The following METTL15 variants were observed in gnomAD, a reference collection of about 807,000 sequenced individuals.
METTL15 encodes the protein methyltransferase 15, mitochondrial 12S rRNA N4-cytidine.
In METTL15, 34 loss-of-function variants were observed where a neutral mutation model predicts 38.3. That is an observed-to-expected ratio of 0.89 (90% confidence interval 0.68 to 1.18). METTL15 has a LOEUF of 1.18. Among genes scored for constraint, METTL15 ranks in the 50% most tolerant of loss-of-function variants. METTL15 has a pLI of 0.00. For synonymous variants in METTL15, 162 were observed against 170.9 expected, an observed-to-expected ratio of 0.95 and a Z score of 0.41; for missense variants, 438 against 498.4, an observed-to-expected ratio of 0.88 and a Z score of 1.15.
intron 5 of METTL15, among the ~76,000 whole-genome samples, chr11:28,410,504 G>C (rs1392478416): frequency 6.6e-6 from 1 of 151,978 alleles, no homozygotes; most frequent in Non-Finnish European, 1.5e-5. Context: ...CACACCAACA[G>C]AATAAAAAGT....
intron 4 of METTL15, among the ~76,000 whole-genome samples, chr11:28,222,409 G>A (rs1378951176): frequency 6.6e-6 from 1 of 152,184 alleles, no homozygotes; most frequent in Admixed American, 6.5e-5. Context: ...GAAAAGCGCA[G>A]TATTAGGGTG....
intron 6 of METTL15, among the ~76,000 whole-genome samples, chr11:28,453,008 C>G (rs1291528146): frequency 6.6e-6 from 1 of 152,208 alleles, no homozygotes; most frequent in Non-Finnish European, 1.5e-5. Context: ...TCCTTAGAAG[C>G]CATTTTCCAT....
At chr11:28,136,765 G>C (rs1479337638) in intron 3 of METTL15, among the ~76,000 whole-genome samples, 2 of 151,810 alleles carry the variant, frequency 1.3e-5, no homozygotes, top group African/African-American at 4.8e-5. Context: ...AAAAGCTAGG[G>C]GTCAGGAAAG....
At chr11:28,423,601 T>C (rs1271236023) in intron 5 of METTL15, among the ~76,000 whole-genome samples, 1 of 152,046 alleles carries the variant, frequency 6.6e-6, no homozygotes, top group African/African-American at 2.4e-5. Flanking sequence ...AATCCAAGAA[T>C]AGAAAGACAA....
intron 3 of METTL15, among the ~76,000 whole-genome samples, chr11:28,149,692 C>T (rs1434561997): frequency 6.6e-6 from 1 of 151,846 alleles, no homozygotes; most frequent in African/African-American, 2.4e-5. Context: ...TATCTCATTG[C>T]ACTGTTTCTG....
chr11:28,108,910 A>T (rs1851599419), intron 1 of METTL15, among the ~76,000 whole-genome samples: 1 of 152,216 alleles, frequency 6.6e-6, no homozygotes, highest in African/African-American at 2.4e-5. Flanking sequence ...AACAAATCGG[A>T]AATACGTTTG....
chr11:28,501,827 C>T (rs890682887), intron 6 of METTL15, among the ~76,000 whole-genome samples: 6 of 152,092 alleles, frequency 3.9e-5, no homozygotes, highest in African/African-American at 1.2e-4. Context: ...CGGCCAGGCG[C>T]GGTGGCTCAC....
chr11:28,151,086 T>C (rs372780547), intron 3 of METTL15, among the ~76,000 whole-genome samples: 15 of 151,550 alleles, frequency 9.9e-5, no homozygotes, highest in African/African-American at 3.6e-4. Flanking sequence ...AAGGTTTTCA[T>C]TGGGACGAAT....
intron 6 of METTL15, among the ~76,000 whole-genome samples, chr11:28,306,136 C>T (rs1857075297): frequency 6.6e-6 from 1 of 151,916 alleles, no homozygotes; most frequent in African/African-American, 2.4e-5. Flanking sequence ...CTAGATCTTC[C>T]TGATTCTGGA....
intron 6 of METTL15, among the ~76,000 whole-genome samples, chr11:28,453,511 G>A (rs1186073665): frequency 6.6e-6 from 1 of 152,200 alleles, no homozygotes; most frequent in Non-Finnish European, 1.5e-5. Context: ...CATATTTGAT[G>A]ATAGCACTAA....
chr11:28,398,809 C>T (rs1850600679), intron 5 of METTL15: 1 of 151,554 alleles, frequency 6.6e-6, no homozygotes, highest in East Asian at 1.9e-4. Flanking sequence ...AGGACACAAA[C>T]AAATGGAAAA....
At chr11:28,310,453 G>A (rs1857236043) in intron 6 of METTL15, among the ~76,000 whole-genome samples, 1 of 151,864 alleles carries the variant, frequency 6.6e-6, no homozygotes, top group South Asian at 2.1e-4. Context: ...ATTCCCTAAA[G>A]GCCTAGTAAT....
chr11:28,379,935 A>G (rs1199923323), intron 5 of METTL15, among the ~76,000 whole-genome samples: 1 of 152,170 alleles, frequency 6.6e-6, no homozygotes, highest in African/African-American at 2.4e-5. Context: ...ATTCTCTTGC[A>G]GAATTGGCTT....
intron 3 of METTL15, among the ~76,000 whole-genome samples, chr11:28,176,917 G>C (rs1238699143): frequency 6.6e-6 from 1 of 152,086 alleles, no homozygotes; most frequent in Non-Finnish European, 1.5e-5. Context: ...AAGTGGAATA[G>C]CTGGATAATG....
chr11:28,458,297 T>C (rs1009836225), intron 6 of METTL15, among the ~76,000 whole-genome samples: 3 of 152,212 alleles, frequency 2.0e-5, no homozygotes, highest in African/African-American at 7.2e-5. Flanking sequence ...TTCTTCCACA[T>C]AAAATCACAG....
chr11:28,369,907 A>T (rs1293202835), intron 5 of METTL15, among the ~76,000 whole-genome samples: 1 of 152,156 alleles, frequency 6.6e-6, no homozygotes, highest in Non-Finnish European at 1.5e-5. Flanking sequence ...CCATAATGGT[A>T]GTGCATAAAT....
chr11:28,196,994 G>A (rs1851932879), intron 3 of METTL15, among the ~76,000 whole-genome samples: 1 of 151,642 alleles, frequency 6.6e-6, no homozygotes, highest in South Asian at 2.1e-4. Flanking sequence ...ATTAGTATCC[G>A]AGAAAGAAAA....
intron 3 of METTL15, among the ~76,000 whole-genome samples, chr11:28,339,869 C>T (rs924237399): frequency 6.6e-6 from 1 of 152,004 alleles, no homozygotes; most frequent in Admixed American, 6.6e-5. Context: ...GAAAGGGGAA[C>T]TATTCGATGA....
At chr11:28,208,028 C>G (rs1852439961) in intron 3 of METTL15, among the ~76,000 whole-genome samples, 1 of 152,086 alleles carries the variant, frequency 6.6e-6, no homozygotes, top group Non-Finnish European at 1.5e-5. Flanking sequence ...TGCTAGCAGT[C>G]TATCAATTTT....
Sources: gnomAD v4.1 joint callset for allele counts (sites outside exome capture counted in the v4.1 genomes callset) on GRCh38, gnomAD v4.1.1 for gene constraint, MANE v1.5 for transcripts, NCBI Gene and HGNC (gene_info 2026-07-23, HGNC 2026-07-21) for gene names.